Variants in OR7E24 observed in about 807,000 individuals in gnomAD.
The protein encoded by OR7E24 is olfactory receptor family 7 subfamily E member 24.
For missense variants in OR7E24, 385 were observed against 410.3 expected, an observed-to-expected ratio of 0.94 and a Z score of 0.53; for synonymous variants, 130 against 157.5, an observed-to-expected ratio of 0.83 and a Z score of 1.31.
At chr19:9,239,112 T>C in the OR7E24 span, among the ~76,000 whole-genome samples, 886 of 152,252 alleles carry the variant, frequency 5.8e-3, 18 homozygotes, top group East Asian at 0.041. Context: ...CACTAATTTA[T>C]ATTCCAACCA....
chr19:9,252,265 C>G lies in OR7E24; in HGVS notation c.*202C>G, dbSNP rs1204492680. 2.0e-5 allele frequency: 10 copies of G among 502,912 alleles called. No homozygotes were observed. Among genetic ancestry groups the G allele is most frequent in the Non-Finnish European group, 3.6e-5 (10 of 281,420 alleles). The allele number at this position is 502,912 out of a possible 1,614,324, so 31.2% of individuals were successfully genotyped here. A position where few individuals can be genotyped will look rare whatever the true frequency, so the allele number is the denominator to read the frequency against. On this transcript the variant is annotated 3_prime_UTR_variant, in exon 1 of 1. Transcript: ENST00000456448. ...CATGAATGATTCCAATATACCTAGA[C>G]AGCCTCCTTTAGTATCTGTGCAATG...
At chr19:9,233,389 G>T in the OR7E24 span, among the ~76,000 whole-genome samples, 1 of 152,074 alleles carries the variant, frequency 6.6e-6, no homozygotes, top group African/African-American at 2.4e-5. Context: ...TATATATGTT[G>T]ATGATCGACT....
At chr19:9,243,458 A>T (rs1386249937), upstream of OR7E24, among the ~76,000 whole-genome samples, 1 of 150,858 alleles carries the variant, frequency 6.6e-6, no homozygotes, top group Non-Finnish European at 1.5e-5. Context: ...TCTCCCAAGT[A>T]GCTGGGACTA....
At chr19:9,223,606 A>AT in the OR7E24 span, among the ~76,000 whole-genome samples, 5,838 of 151,504 alleles carry the variant, frequency 0.039, 353 homozygotes, top group African/African-American at 0.13. Flanking sequence ...CTTTGCAGAG[A>AT]TTTTTTCTAT....
At chr19:9,245,755 C>T (rs569156402), upstream of OR7E24, among the ~76,000 whole-genome samples, 13 of 152,328 alleles carry the variant, frequency 8.5e-5, no homozygotes, top group South Asian at 2.7e-3. Flanking sequence ...TATTCCTATA[C>T]ATTAGTTATT....
the OR7E24 span, among the ~76,000 whole-genome samples, chr19:9,239,633 A>G: frequency 6.8e-6 from 1 of 147,044 alleles, no homozygotes. Context: ...TCCTTTGTCT[A>G]TTTTCCAATC....
the OR7E24 span, among the ~76,000 whole-genome samples, chr19:9,230,148 G>A: frequency 4.2e-4 from 63 of 151,720 alleles, no homozygotes; most frequent in African/African-American, 1.3e-3. Flanking sequence ...GGGTTCAAGC[G>A]ATTCTCCTGC....
the OR7E24 span, chr19:9,235,857 T>G: frequency 6.2e-7 from 1 of 1,610,308 alleles, no homozygotes; most frequent in Non-Finnish European, 8.5e-7. Context: ...ACAAAGCCTT[T>G]TCCACCTGTG....
chr19:9,224,930 A>C, the OR7E24 span, among the ~76,000 whole-genome samples: 64,337 of 151,988 alleles, frequency 0.42, 17,701 homozygotes, highest in African/African-American at 0.79. Flanking sequence ...TTAAACACTT[A>C]TCAGTAGACT....
chr19:9,234,254 T>C, the OR7E24 span, among the ~76,000 whole-genome samples: 1 of 152,140 alleles, frequency 6.6e-6, no homozygotes, highest in African/African-American at 2.4e-5. Flanking sequence ...AAAATTCTAT[T>C]CCAGAAAATC....
chr19:9,235,088 T>C, the OR7E24 span: 23 of 658,592 alleles, frequency 3.5e-5, no homozygotes, highest in South Asian at 4.1e-4. Flanking sequence ...AAGGGTGATA[T>C]TGAAGAGTGA....
the OR7E24 span, among the ~76,000 whole-genome samples, chr19:9,222,606 G>A: frequency 2.0e-5 from 3 of 152,004 alleles, no homozygotes; most frequent in Admixed American, 2.0e-4. Flanking sequence ...TGAGTAGTTT[G>A]CTGTTAGTAT....
upstream of OR7E24, among the ~76,000 whole-genome samples, chr19:9,244,974 C>T (rs767089658): frequency 3.7e-4 from 56 of 152,182 alleles, no homozygotes; most frequent in Non-Finnish European, 7.5e-4. Flanking sequence ...GAGGCCAAGG[C>T]GGGCAGATCA....
At chr19:9,236,459 G>A in the OR7E24 span, among the ~76,000 whole-genome samples, 7 of 152,048 alleles carry the variant, frequency 4.6e-5, no homozygotes, top group East Asian at 3.9e-4. Flanking sequence ...TCAGTGAGCC[G>A]AGGTAGCACC....
chr19:9,249,725 G>A (rs2066139920), upstream of OR7E24, among the ~76,000 whole-genome samples: 1 of 152,104 alleles, frequency 6.6e-6, no homozygotes, highest in African/African-American at 2.4e-5. Flanking sequence ...GGCAGAGGTG[G>A]GCAGATTACT....
At chr19:9,222,163 T>C in the OR7E24 span, among the ~76,000 whole-genome samples, 1 of 152,210 alleles carries the variant, frequency 6.6e-6, no homozygotes, top group South Asian at 2.1e-4. Flanking sequence ...TGATATTTTG[T>C]TCAGTTGGTC....
chr19:9,235,211 T>A, the OR7E24 span: 1 of 1,508,528 alleles, frequency 6.6e-7, no homozygotes, highest in East Asian at 2.3e-5. Context: ...GATCCTGAAC[T>A]GCAGCCCGTC....
the OR7E24 span, chr19:9,212,397 A>G: frequency 6.6e-6 from 1 of 152,214 alleles, no homozygotes; most frequent in African/African-American, 2.4e-5. Flanking sequence ...CTGGCTACCA[A>G]ATTTGCAGGA....
At chr19:9,247,514 C>T (rs923736801), upstream of OR7E24, 1 of 398,630 alleles carries the variant, frequency 2.5e-6, no homozygotes, top group Admixed American at 4.4e-5. Context: ...GGAAGCGCAG[C>T]TCAGTGAGTG....
Sources: allele counts gnomAD v4.1 joint callset (sites outside exome capture counted in the v4.1 genomes callset), GRCh38; gene constraint gnomAD v4.1.1; transcripts MANE v1.5; gene names NCBI Gene and HGNC (gene_info 2026-07-23, HGNC 2026-07-21).